Variants in IL6ST observed in about 807,000 individuals in gnomAD.
The protein encoded by IL6ST is interleukin 6 cytokine family signal transducer.
In IL6ST, 24 loss-of-function variants were observed where a neutral mutation model predicts 91.3. That is an observed-to-expected ratio of 0.26 (90% CI 0.19 to 0.37). The LOEUF is 0.37. IL6ST is among the 10% of genes least tolerant of loss of function. IL6ST has a pLI of 1.00. For missense variants in IL6ST, 914 were observed against 1,078.5 expected (o/e 0.85, Z 2.14); for synonymous variants, 351 against 373.6 (o/e 0.94, Z 0.70).
At chr5:55,990,210 T>C (rs1348306251) in intron 1 of IL6ST, among the ~76,000 whole-genome samples, 1 of 152,030 alleles carries the variant, frequency 6.6e-6, no homozygotes, top group Non-Finnish European at 1.5e-5. Context: ...CCAATGTAGC[T>C]CTCTTATTCA....
intron 9 of IL6ST, among the ~76,000 whole-genome samples, chr5:55,956,966 T>G (rs892982031): frequency 6.6e-6 from 1 of 152,144 alleles, no homozygotes; most frequent in Non-Finnish European, 1.5e-5. Flanking sequence ...AAGATCATCC[T>G]GGCCACCGTG....
rs778516584 is a variant in IL6ST at position 55,976,247 on chromosome 5, G to A, written c.32C>T (p.Ala11Val). MLTLQTWLVQ[A>V]LFIFLTTEST... ...TTCAGTGGTGAGGAAAATAAACAAG[G>A]CTTGCACTAGCCAAGTCTGCAACGT... Residue 11 changes from alanine (A) to valine (V), a missense_variant, in exon 3 of 17, where the codon GCC becomes GTC. By Grantham distance (64) the Ala-to-Val change is moderately conservative. Transcript: ENST00000381298. The A allele has an allele frequency of 2.5e-6, 4 of 1,588,912 alleles. No individual in the cohort carries two copies. The highest frequency in any genetic ancestry group is 2.7e-5 in the African/African-American group (2 of 73,896).
rs1750709608 is a variant in IL6ST at position 55,939,027 on chromosome 5, A to C, written c.*2055T>G. The C allele has an allele frequency of 4.9e-6, 1 of 204,494 alleles. No homozygotes were observed. The highest frequency in any genetic ancestry group is 1.9e-4 in the South Asian group (1 of 5,292). The allele number at this position is 204,494 out of a possible 1,614,324, so 12.7% of individuals were successfully genotyped here. On this transcript the variant is annotated 3_prime_UTR_variant, in exon 17 of 17. Transcript: ENST00000381298. The stretch of plus-strand genomic sequence containing the variant: ...TTGTATATCTGACCCTGAAATGTAC[A>C]AACTTCACACTACAACATTCTTCAT...
In IL6ST at chr5:55,972,238, C is replaced by T. The variant is rs571505500; in HGVS notation, c.65-2383G>A. Among the ~76,000 whole-genome samples the T allele has an allele frequency of 5.3e-5, 8 of 152,212 alleles. No individual in the cohort carries two copies. The South Asian group carries it at 6.2e-4, about 12-fold the overall frequency. On this transcript the variant is annotated intron_variant, in intron 3 of 16. Transcript: ENST00000381298. Reference sequence around the variant, plus strand: ...ATTAAAAATGGGCAAATGGGCTGGGCGCAGTGGCTCACACCTGTAATCCCA... The same window carrying T: ...ATTAAAAATGGGCAAATGGGCTGGGTGCAGTGGCTCACACCTGTAATCCCA...
rs1390407674 is a variant in IL6ST, at chr5:55,936,847, T to TA, written c.*4234dup. On this transcript the variant is annotated 3_prime_UTR_variant, in exon 17 of 17. Transcript: ENST00000381298. Reference sequence around the variant, plus strand: ...CCAAATGAAGTTAGAGTAGATGGGGTAAAACAGCAAGTGAACATGAAAGGA... The same window carrying TA: ...CCAAATGAAGTTAGAGTAGATGGGGTAAAAACAGCAAGTGAACATGAAAGGA... 2 of 195,390 alleles carry TA rather than the reference T, an allele frequency of 1.0e-5. No homozygotes were observed. Among genetic ancestry groups the TA allele is most frequent in the South Asian group, 1.9e-4 (1 of 5,178 alleles). 12.1% of individuals were successfully genotyped at this position (195,390 alleles called of 1,614,324 possible).
chr5:55,963,314 A>T (rs769977478), intron 7 of IL6ST, 38 bp downstream of exon 7: 1 of 1,429,948 alleles, frequency 7.0e-7, no homozygotes, highest in Non-Finnish European at 9.5e-7. Flanking sequence ...GAGGGTTGAA[A>T]GAAGGACTAT....
At position 55,952,332 on chromosome 5, in the gene IL6ST, T is replaced by C; in HGVS notation, c.1470A>G (p.Lys490=). Residue 490 remains lysine, a synonymous_variant, in exon 12 of 17, where the codon AAA becomes AAG. Transcript: ENST00000381298. ...CTGGAGTAACTGTTATCAAATAGCA[T>C]TTGCTCTCTGCTAAGTTCCCTAAAG... ...TYLRGNLAES[K]CYLITVTPVY... The C allele has an allele frequency of 6.3e-7, 1 of 1,597,278 alleles. No individual in the cohort carries two copies. The highest frequency in any genetic ancestry group is 1.1e-5 in the South Asian group (1 of 89,002).
intron 13 of IL6ST, 141 bp downstream of exon 13, chr5:55,951,788 G>T (rs1373845875): frequency 2.6e-6 from 2 of 768,308 alleles, no homozygotes; most frequent in Admixed American, 3.1e-5. Context: ...ATAAATCCAT[G>T]AAAGTAACCA....
intron 11 of IL6ST, 38 bp from the exon 12 acceptor site, chr5:55,952,389 A>T: frequency 8.2e-7 from 1 of 1,219,050 alleles, no homozygotes; most frequent in Non-Finnish European, 1.2e-6. Context: ...GTTTTTCCAT[A>T]ATGAAAAAGT....
chr5:55,953,351 C>T (rs1046322250), intron 11 of IL6ST, among the ~76,000 whole-genome samples: 7 of 152,190 alleles, frequency 4.6e-5, no homozygotes, highest in Admixed American at 6.5e-5. Flanking sequence ...GAGCAACATA[C>T]GACTACCTAC....
intron 1 of IL6ST, among the ~76,000 whole-genome samples, chr5:55,988,604 T>C (rs866931323): frequency 1.3e-5 from 2 of 150,896 alleles, no homozygotes; most frequent in Non-Finnish European, 3.0e-5. Flanking sequence ...CTGTCTCTAA[T>C]AACAATACAA....
chr5:55,959,618 AAACT>A (rs1752185489), intron 8 of IL6ST: 5 of 1,287,908 alleles, frequency 3.9e-6, no homozygotes, highest in East Asian at 4.8e-5. Flanking sequence ...AGGAAAATAA[AAACT>A]AACCAACCAA....
chr5:55,968,943 C>T (rs1752793132), intron 4 of IL6ST, among the ~76,000 whole-genome samples: 1 of 152,134 alleles, frequency 6.6e-6, no homozygotes, highest in Admixed American at 6.5e-5. Context: ...CCTGTAATCC[C>T]AGCAGTTTGG....
At chr5:55,951,157 G>C (rs1397140400) in intron 14 of IL6ST, among the ~76,000 whole-genome samples, 1 of 151,876 alleles carries the variant, frequency 6.6e-6, no homozygotes, top group Admixed American at 6.6e-5. Flanking sequence ...CTCAATAAAA[G>C]AAAGAAATGA....
intron 8 of IL6ST, among the ~76,000 whole-genome samples, chr5:55,959,016 A>G (rs1256489965): frequency 6.6e-6 from 1 of 152,136 alleles, no homozygotes; most frequent in African/African-American, 2.4e-5. Context: ...AACAGAATAA[A>G]GAACATGAAA....
At position 55,960,413 on chromosome 5, in the gene IL6ST, G is replaced by A; in HGVS notation, c.962C>T (p.Thr321Ile). ...ACTTATGTACTTACTATCTTCATAG[G>A]TGATCCCACTTGCTTCTTCACTCCA... ...SDWSEEASGI[T>I]YEDRPSKAPS... The change falls in exon 8 of 17, where the codon ACC (threonine) becomes ATC (isoleucine). Residue 321 changes from threonine (T) to isoleucine (I), a missense_variant. By Grantham distance (89) the Thr-to-Ile change is moderately conservative. Coordinates refer to ENST00000381298, the MANE Select transcript of IL6ST (RefSeq NM_002184.4). 1 of 1,613,134 alleles carries A rather than the reference G, an allele frequency of 6.2e-7. No individual in the cohort carries two copies. Among genetic ancestry groups the A allele is most frequent in the Non-Finnish European group, 8.5e-7 (1 of 1,179,396 alleles).
chr5:55,985,008 G>C (rs984568199), intron 1 of IL6ST, among the ~76,000 whole-genome samples: 14 of 152,138 alleles, frequency 9.2e-5, no homozygotes, highest in African/African-American at 3.1e-4. Context: ...CAAACATATT[G>C]ATCAACTGGG....
intron 1 of IL6ST, among the ~76,000 whole-genome samples, chr5:55,992,106 C>A (rs1340042835): frequency 1.3e-5 from 2 of 152,168 alleles, no homozygotes; most frequent in East Asian, 3.8e-4. Context: ...GAAGTATCAT[C>A]TCTTATATGG....
chr5:55,964,410 G>A (rs1752519931), intron 5 of IL6ST, 98 bp from the exon 6 acceptor site: 7 of 732,348 alleles, frequency 9.6e-6, no homozygotes, highest in South Asian at 2.0e-5. Context: ...GACCTAGATT[G>A]TTGTAGCAAA....
Sources: gnomAD v4.1 joint callset for allele counts (sites outside exome capture counted in the v4.1 genomes callset) on GRCh38, gnomAD v4.1.1 for gene constraint, MANE v1.5 for transcripts, NCBI Gene and HGNC (gene_info 2026-07-23, HGNC 2026-07-21) for gene names.